The following CUBN variants were observed in gnomAD, a reference collection of about 807,000 sequenced individuals.
CUBN encodes the protein cubilin, also known as 460 kDa receptor.
CUBN carries 282 observed loss-of-function variants against 405.3 expected under a neutral mutation model. The ratio of observed to expected loss-of-function variants is 0.70; its 90% confidence interval spans 0.63 to 0.77. The LOEUF is 0.77. Ranked by LOEUF, CUBN falls within the 30% of genes least tolerant of loss-of-function variation. The probability of loss-of-function intolerance (pLI) is 0.00; values close to 1 mark genes in which losing one functional copy is unlikely to be tolerated. For synonymous variants in CUBN, 1,684 were observed against 1,617.0 expected (o/e 1.04, Z -0.99); for missense variants, 4,514 against 4,475.2 (o/e 1.01, Z -0.25).
At chr10:17,045,807 T>C in intron 24 of CUBN, 127 bp downstream of exon 24, 1 of 886,964 alleles carries the variant, frequency 1.1e-6, no homozygotes, top group South Asian at 1.4e-5. Context: ...TTAAAATTAT[T>C]TGCAATATTG....
At position 16,900,822 on chromosome 10, in the gene CUBN, G is replaced by C. The variant is rs1478052704; in HGVS notation, c.8213C>G (p.Pro2738Arg). The change falls in exon 53 of 67, where the codon CCC (proline) becomes CGC (arginine). Residue 2738 changes from proline (P) to arginine (R), a missense_variant. By Grantham distance (103) the Pro-to-Arg change is moderately radical (BLOSUM62 -2). This residue lies in a region of CUBN where 1,186 missense variants were observed against 1,186.9 expected (regional missense o/e 1.00). Coordinates refer to ENST00000377833, the MANE Select transcript of CUBN (RefSeq NM_001081.4). ...TLTFSDFDIE[P>R]HTTCAWDSVT... ...AGAGTCCCAAGCACAAGTTGTATGGGGTTCAATATCAAAGTCACTAAATGT... is the reference window on the plus strand; with the variant it reads ...AGAGTCCCAAGCACAAGTTGTATGGCGTTCAATATCAAAGTCACTAAATGT... 6.2e-7 allele frequency: 1 copy of C among 1,613,598 alleles called. No homozygotes were observed. The highest frequency in any genetic ancestry group is 8.5e-7 in the Non-Finnish European group (1 of 1,179,850).
chr10:16,828,688 C>T, intron 66 of CUBN, 117 bp downstream of exon 66: 1 of 843,190 alleles, frequency 1.2e-6, no homozygotes, highest in South Asian at 1.4e-5. Context: ...CACCACTGCA[C>T]TCCAGCCTGG....
intron 31 of CUBN, among the ~76,000 whole-genome samples, chr10:16,967,118 G>A (rs1229288563): frequency 1.3e-5 from 2 of 152,152 alleles, no homozygotes; most frequent in African/African-American, 4.8e-5. Context: ...TGGGGCTGAG[G>A]AAGGAGGAAG....
At chr10:16,965,113 G>A (rs981236165) in intron 31 of CUBN, among the ~76,000 whole-genome samples, 2 of 152,066 alleles carry the variant, frequency 1.3e-5, no homozygotes, top group East Asian at 1.9e-4. Context: ...CTGTTTGTCC[G>A]ATGTATCGCT....
At chr10:17,064,278 G>A (rs1588619812) in intron 22 of CUBN, among the ~76,000 whole-genome samples, 1 of 152,234 alleles carries the variant, frequency 6.6e-6, no homozygotes, top group Non-Finnish European at 1.5e-5. Context: ...CTGCTGCAGA[G>A]TTTTGCCTGA....
intron 13 of CUBN, among the ~76,000 whole-genome samples, chr10:17,100,965 T>A (rs964900588): frequency 3.3e-5 from 5 of 152,190 alleles, no homozygotes; most frequent in African/African-American, 1.2e-4. Flanking sequence ...AGACTTCAAA[T>A]ATAGTAATAT....
chr10:16,915,791 C>T, intron 46 of CUBN, 30 bp downstream of exon 46: 2 of 1,569,400 alleles, frequency 1.3e-6, no homozygotes, highest in South Asian at 1.1e-5. Flanking sequence ...AAAATAAACA[C>T]CCAAAAGAGA....
chr10:16,923,582 G>C (rs1252078467), intron 43 of CUBN, among the ~76,000 whole-genome samples: 1 of 152,140 alleles, frequency 6.6e-6, no homozygotes, highest in African/African-American at 2.4e-5. Context: ...GAAATCAAAA[G>C]ACTTTTAAGT....
At chr10:17,077,163 A>T (rs1159130968) in intron 17 of CUBN, among the ~76,000 whole-genome samples, 1 of 152,218 alleles carries the variant, frequency 6.6e-6, no homozygotes, top group African/African-American at 2.4e-5. Flanking sequence ...GACCAGGTTC[A>T]GATTTCTTGT....
At chr10:17,024,647 G>A (rs1288881587) in intron 27 of CUBN, among the ~76,000 whole-genome samples, 1 of 152,052 alleles carries the variant, frequency 6.6e-6, no homozygotes, top group Non-Finnish European at 1.5e-5. Flanking sequence ...GAAACTACAG[G>A]CATGCAGTAC....
In CUBN at chr10:17,047,488, C is replaced by A. The variant is rs754051035; in HGVS notation, c.3255G>T (p.Leu1085=). 3 of 1,613,990 alleles carry A rather than the reference C, an allele frequency of 1.9e-6. No homozygotes were observed. The highest frequency in any genetic ancestry group is 2.5e-6 in the Non-Finnish European group (3 of 1,179,920). ...IYRITVRTGQ[L]IAVHFTNFSL... is the part of the protein sequence containing the mutation. The stretch of plus-strand genomic sequence containing the variant: ...AGAAGTTTGTGAAGTGCACTGCAAT[C>A]AGTTGGCCAGTTCTCACTGTGATCC... The change falls in exon 23 of 67, where the codon CTG becomes CTT. Residue 1085 remains leucine (L), a synonymous_variant. Transcript: ENST00000377833.
rs1048863386 is a variant in CUBN, at chr10:16,840,629, G to A, written c.9827-94C>T. On this transcript the variant is annotated intron_variant, in intron 61 of 66. Transcript: ENST00000377833. ...TTCTGTCTTCCCTGCCTCCCACCCC[G>A]GAGGAGCTATATTTTCATTACTCTA... 49 of 1,065,786 alleles carry A rather than the reference G, an allele frequency of 4.6e-5. 1 individual carries two copies. The South Asian group carries it at 4.7e-4, about 10-fold the overall frequency. The allele number at this position is 1,065,786 out of a possible 1,614,324, so 66.0% of individuals were successfully genotyped here.
chr10:16,840,548 G>T lies in CUBN; in HGVS notation c.9827-13C>A. 3 of 1,564,810 alleles carry T rather than the reference G, an allele frequency of 1.9e-6. No individual in the cohort carries two copies. Among genetic ancestry groups the T allele is most frequent in the Non-Finnish European group, 2.6e-6 (3 of 1,149,532 alleles). On this transcript the variant is annotated splice_polypyrimidine_tract_variant and intron_variant, in intron 61 of 66. Transcript: ENST00000377833. Reference sequence around the variant, plus strand: ...CCACCACAAGGCACTGGAGAGGGAGGAAAAAGCAACACAGGAGACATTTTA... The same window carrying T: ...CCACCACAAGGCACTGGAGAGGGAGTAAAAAGCAACACAGGAGACATTTTA...
intron 17 of CUBN, among the ~76,000 whole-genome samples, chr10:17,074,766 T>G (rs533662943): frequency 6.6e-6 from 1 of 152,348 alleles, no homozygotes; most frequent in Non-Finnish European, 1.5e-5. Flanking sequence ...TTTCAGATAC[T>G]GAAATAAATG....
chr10:16,840,644 T>A (rs1839319081), intron 61 of CUBN, 109 bp from the exon 62 acceptor site: 1 of 982,340 alleles, frequency 1.0e-6, no homozygotes, highest in Non-Finnish European at 1.6e-6. Context: ...AGCTATATTT[T>A]CATTACTCTA....
chr10:17,061,377 G>C (rs540864780), intron 22 of CUBN, among the ~76,000 whole-genome samples: 124 of 152,156 alleles, frequency 8.1e-4, no homozygotes, highest in Non-Finnish European at 1.1e-3. Flanking sequence ...AGAATTTCTG[G>C]GTGGGGCCCA....
chr10:17,028,509 C>G (rs1467879452), intron 27 of CUBN, among the ~76,000 whole-genome samples: 1 of 151,518 alleles, frequency 6.6e-6, no homozygotes, highest in East Asian at 1.9e-4. Flanking sequence ...TCACGTGAGG[C>G]CAGGAGCCCG....
chr10:16,850,494 C>T (rs541026584), intron 60 of CUBN, among the ~76,000 whole-genome samples: 33 of 152,060 alleles, frequency 2.2e-4, no homozygotes, highest in African/African-American at 6.5e-4. Flanking sequence ...ATTTTTGAGA[C>T]GGAGTCTTGC....
At position 16,824,954 on chromosome 10, in the gene CUBN, T is replaced by A. The variant is rs546034986; in HGVS notation, c.*21A>T. 6.4e-7 allele frequency: 1 copy of A among 1,567,740 alleles called. No individual in the cohort carries two copies. Among genetic ancestry groups the A allele is most frequent in the Non-Finnish European group, 8.8e-7 (1 of 1,138,090 alleles). ...CGTGCTGCAGAGGGAAAGTGCTGAG[T>A]GAACACGAGTTGTTACCCACTTAGC... On this transcript the variant is annotated 3_prime_UTR_variant, in exon 67 of 67. Coordinates refer to ENST00000377833, the MANE Select transcript of CUBN (RefSeq NM_001081.4).
Sources: allele counts gnomAD v4.1 joint callset (sites outside exome capture counted in the v4.1 genomes callset), GRCh38; gene constraint gnomAD v4.1.1; regional missense constraint gnomAD v4.1.1; transcripts MANE v1.5; gene names NCBI Gene and HGNC (gene_info 2026-07-23, HGNC 2026-07-21).